DAAM1: variants seen among roughly 807,000 people sequenced by gnomAD.
DAAM1 encodes the protein disheveled-associated activator of morphogenesis 1.
A neutral mutation model predicts 130.0 loss-of-function variants in DAAM1; 52 were observed. That is an observed-to-expected ratio of 0.40 (90% CI 0.32 to 0.50). DAAM1 has a LOEUF of 0.50. DAAM1 is among the 20% of genes least tolerant of loss of function. The pLI is 0.61. For synonymous variants in DAAM1, 452 were observed against 444.5 expected, an observed-to-expected ratio of 1.02 and a Z score of -0.21; for missense variants, 1,134 against 1,303.8, an observed-to-expected ratio of 0.87 and a Z score of 2.01.
intron 2 of DAAM1, chr14:59,264,375 T>TA (rs1442379001): frequency 2.0e-5 from 3 of 152,238 alleles, no homozygotes; most frequent in Non-Finnish European, 2.9e-5. Flanking sequence ...TTTAAAGGGG[T>TA]GCTAGCATAG....
intron 20 of DAAM1, among the ~76,000 whole-genome samples, chr14:59,357,785 A>G (rs530521228): frequency 1.7e-5 from 2 of 115,844 alleles, no homozygotes; most frequent in East Asian, 3.9e-4. Flanking sequence ...CTCAAAAGAG[A>G]AAAAAAAAAA....
chr14:59,271,470 A>G (rs1157988821), intron 2 of DAAM1, among the ~76,000 whole-genome samples: 1 of 152,218 alleles, frequency 6.6e-6, no homozygotes, highest in Non-Finnish European at 1.5e-5. Flanking sequence ...AAATGAAGGT[A>G]GGAGAAATGA....
intron 2 of DAAM1, 42 bp from the exon 3 acceptor site, chr14:59,291,175 A>G (rs1883725441): frequency 1.1e-5 from 16 of 1,497,420 alleles, no homozygotes; most frequent in Non-Finnish European, 1.5e-5. Flanking sequence ...TACAGGAATA[A>G]TGTTTATCCT....
Position 59,369,246 on chromosome 14 carries a change from CAAACAAAA to C in DAAM1, c.*391_*398del, listed in dbSNP as rs574229930. On this transcript the variant is annotated 3_prime_UTR_variant, in exon 25 of 25. Transcript: ENST00000360909. The stretch of plus-strand genomic sequence containing the variant: ...AGGCAAAACAGAAGAAACAAACAAA[CAAACAAAA>C]AAAGCTTGCAAAATATTTTATGGTT... 0.022 allele frequency: 3,334 copies of C among 154,550 alleles called. 40 individuals carry two copies. Among genetic ancestry groups the C allele is most frequent in the Non-Finnish European group, 0.03 (2,125 of 70,448 alleles). 9.6% of individuals were successfully genotyped at this position (154,550 alleles called of 1,614,324 possible). A position where few individuals can be genotyped will look rare whatever the true frequency, so the allele number is the denominator to read the frequency against.
At chr14:59,324,486 T>C in intron 8 of DAAM1, 32 bp downstream of exon 8, 1 of 1,457,074 alleles carries the variant, frequency 6.9e-7, no homozygotes, top group Non-Finnish European at 9.3e-7. Context: ...TGAGAAAGTT[T>C]CTGTGTTTCC....
intron 22 of DAAM1, chr14:59,362,353 A>T (rs1886740598): frequency 6.6e-6 from 1 of 152,222 alleles, no homozygotes. Flanking sequence ...TAGTGGGGGC[A>T]GAGCTTCGCC....
chr14:59,221,618 C>T (rs75369443), intron 1 of DAAM1, among the ~76,000 whole-genome samples: 1 of 152,186 alleles, frequency 6.6e-6, no homozygotes, highest in Non-Finnish European at 1.5e-5. Flanking sequence ...CTAAGAGAAG[C>T]TCTAAACGAT....
chr14:59,340,925 G>A (rs1010481033), intron 16 of DAAM1, among the ~76,000 whole-genome samples: 14 of 152,148 alleles, frequency 9.2e-5, no homozygotes, highest in Non-Finnish European at 1.5e-4. Flanking sequence ...AAAGAATCCC[G>A]AGTTTGGGGC....
chr14:59,234,263 A>G (rs1298358196), intron 1 of DAAM1, among the ~76,000 whole-genome samples: 2 of 152,226 alleles, frequency 1.3e-5, no homozygotes, highest in African/African-American at 2.4e-5. Flanking sequence ...ATCCATGAGC[A>G]TGGAATGTTT....
Position 59,338,526 on chromosome 14 carries a change from G to A in DAAM1, c.1969-1548G>A. On this transcript the variant is annotated intron_variant, in intron 15 of 24. Coordinates refer to ENST00000360909, the MANE Select transcript of DAAM1 (RefSeq NM_001270520.2). ...TTTTGTTTTTGTTTTTTTACATAGT[G>A]TAATCTAATGCCTAGGTAACTCCAC... 7.1e-6 allele frequency: 8 copies of A among 1,130,140 alleles called. No individual in the cohort carries two copies. The South Asian group carries it at 1.1e-4, about 15-fold the overall frequency. 70.0% of individuals were successfully genotyped at this position (1,130,140 alleles called of 1,614,324 possible).
intron 1 of DAAM1, among the ~76,000 whole-genome samples, chr14:59,225,856 C>A (rs1473330301): frequency 6.6e-6 from 1 of 152,170 alleles, no homozygotes; most frequent in Non-Finnish European, 1.5e-5. Flanking sequence ...AATCACTTTG[C>A]ATAGCACTAT....
intron 21 of DAAM1, 152 bp downstream of exon 21, chr14:59,359,656 A>G: frequency 1.6e-6 from 1 of 607,046 alleles, no homozygotes; most frequent in Non-Finnish European, 2.9e-6. Flanking sequence ...AGTCACTCAA[A>G]TGTATTACAA....
At chr14:59,251,203 TTTG>T (rs1380314040) in intron 1 of DAAM1, among the ~76,000 whole-genome samples, 1 of 152,236 alleles carries the variant, frequency 6.6e-6, no homozygotes, top group Non-Finnish European at 1.5e-5. Flanking sequence ...AATGAACACC[TTTG>T]TTGATACATC....
intron 1 of DAAM1, among the ~76,000 whole-genome samples, chr14:59,200,644 CT>C (rs1174832919): frequency 6.6e-6 from 1 of 152,192 alleles, no homozygotes; most frequent in Admixed American, 6.5e-5. Context: ...AAAGATAATG[CT>C]TAAGGAAGCA....
chr14:59,327,398 G>GTTTTTTTTTTTTTTTTTT (rs1338982717), intron 12 of DAAM1, among the ~76,000 whole-genome samples: 63 of 72,686 alleles, frequency 8.7e-4, no homozygotes, highest in African/African-American at 1.0e-3. Flanking sequence ...AGGTCACTTG[G>GTTTTTTTTTTTTTTTTTT]TTTCTTTTTT....
intron 3 of DAAM1, 131 bp downstream of exon 3, chr14:59,291,437 G>A: frequency 1.4e-6 from 1 of 715,086 alleles, no homozygotes; most frequent in Non-Finnish European, 2.2e-6. Flanking sequence ...TGTTGTGGCT[G>A]TGGTGCTACA....
intron 16 of DAAM1, among the ~76,000 whole-genome samples, chr14:59,340,722 C>T (rs1362287242): frequency 6.6e-6 from 1 of 152,184 alleles, no homozygotes; most frequent in Non-Finnish European, 1.5e-5. Flanking sequence ...AATTAGTGAA[C>T]CATCACAGCC....
chr14:59,268,242 C>T (rs1882552034), intron 2 of DAAM1, among the ~76,000 whole-genome samples: 1 of 152,200 alleles, frequency 6.6e-6, no homozygotes, highest in South Asian at 2.1e-4. Flanking sequence ...ATCCATTCAT[C>T]ATTGATGGAC....
chr14:59,290,740 ACTGT>A (rs897489290), intron 2 of DAAM1, among the ~76,000 whole-genome samples: 5 of 152,102 alleles, frequency 3.3e-5, no homozygotes, highest in Admixed American at 6.6e-5. Context: ...CCACATACAC[ACTGT>A]CTGTCACCAC....
Sources: gnomAD v4.1 joint callset for allele counts (sites outside exome capture counted in the v4.1 genomes callset) on GRCh38, gnomAD v4.1.1 for gene constraint, MANE v1.5 for transcripts, NCBI Gene and HGNC (gene_info 2026-07-23, HGNC 2026-07-21) for gene names.